Variants in MTMR9 observed in about 807,000 individuals in gnomAD.
MTMR9 encodes the protein myotubularin-related protein 9.
MTMR9 carries 39 observed loss-of-function variants against 69.5 expected under a neutral mutation model. The ratio of observed to expected loss-of-function variants is 0.56; its 90% confidence interval spans 0.43 to 0.73. MTMR9 has a LOEUF of 0.73. MTMR9 is among the 30% of genes least tolerant of loss of function. The pLI, the probability that MTMR9 is intolerant of heterozygous loss-of-function variation, is 0.00. For missense variants in MTMR9, 900 were observed against 671.2 expected (o/e 1.34, Z -3.77); for synonymous variants, 354 against 240.8 (o/e 1.47, Z -4.35).
intron 7 of MTMR9, chr8:11,315,860 G>C (rs1016000994): frequency 2.0e-5 from 3 of 152,208 alleles, no homozygotes; most frequent in African/African-American, 7.2e-5. Flanking sequence ...ATGACTGACT[G>C]ATTTTTATGT....
rs181276080 is a variant in MTMR9, at chr8:11,295,618, A to T, written c.291+316A>T. Among the ~76,000 whole-genome samples, 163 of 152,330 alleles carry T rather than the reference A, an allele frequency of 1.1e-3. 1 individual carries two copies. Among genetic ancestry groups the T allele is most frequent in the African/African-American group, 3.3e-3 (138 of 41,566 alleles). On this transcript the variant is annotated intron_variant, in intron 2 of 9. Transcript: ENST00000221086. ...AACAGATACTGTTTCACTTGAGTGT[A>T]TGAGTTCTTATTTGGGGAAACCATT... is the stretch of plus-strand genomic sequence containing the variant.
At chr8:11,301,213 T>A (rs1799736152) in intron 3 of MTMR9, among the ~76,000 whole-genome samples, 1 of 152,100 alleles carries the variant, frequency 6.6e-6, no homozygotes, top group Non-Finnish European at 1.5e-5. Context: ...AATATATAAG[T>A]TTATATGGAA....
chr8:11,318,730 T>A (rs1001655823), intron 8 of MTMR9: 1 of 152,218 alleles, frequency 6.6e-6, no homozygotes, highest in African/African-American at 2.4e-5. Context: ...GTTCATTGTA[T>A]GTGGATATAG....
rs1167554596 is a variant in MTMR9, at chr8:11,323,655, C to T, written c.*867C>T. On this transcript the variant is annotated 3_prime_UTR_variant, in exon 10 of 10. Transcript: ENST00000221086. The stretch of plus-strand genomic sequence containing the variant: ...CAAGCTACAAATAGGTTTTCTTAAA[C>T]CAGAGATGCACTGCCCTTGTCTAAA... 1 of 151,280 alleles carries T rather than the reference C, an allele frequency of 6.6e-6. No homozygotes were observed. The highest frequency in any genetic ancestry group is 1.9e-4 in the East Asian group (1 of 5,200). The allele number at this position is 151,280 out of a possible 1,614,324, so 9.4% of individuals were successfully genotyped here.
At chr8:11,321,197 A>G (rs912193987) in intron 9 of MTMR9, 1 of 290,958 alleles carries the variant, frequency 3.4e-6, no homozygotes, top group African/African-American at 2.2e-5. Flanking sequence ...ATTGTGGGGA[A>G]ATGGTCTTAG....
chr8:11,302,975 A>C (rs1158839887), intron 3 of MTMR9, among the ~76,000 whole-genome samples: 2 of 151,964 alleles, frequency 1.3e-5, no homozygotes, highest in African/African-American at 4.8e-5. Context: ...AAGCTTAAAC[A>C]AATGGAAAAG....
chr8:11,329,719 C>G (rs989560402), downstream of MTMR9, among the ~76,000 whole-genome samples: 1 of 152,252 alleles, frequency 6.6e-6, no homozygotes, highest in Non-Finnish European at 1.5e-5. Flanking sequence ...AGATTGCAGC[C>G]TCTGCCCGGC....
At chr8:11,305,310 T>C (rs776918784) in intron 4 of MTMR9, among the ~76,000 whole-genome samples, 4 of 152,252 alleles carry the variant, frequency 2.6e-5, no homozygotes, top group Non-Finnish European at 4.4e-5. Context: ...AGCAACATTC[T>C]TCTGGTAGAA....
chr8:11,304,148 A>G (rs1799850673), intron 3 of MTMR9, among the ~76,000 whole-genome samples: 1 of 152,060 alleles, frequency 6.6e-6, no homozygotes, highest in East Asian at 1.9e-4. Flanking sequence ...TTTATATTGT[A>G]TACTTCTAGT....
At chr8:11,299,672 A>C (rs1460204247) in intron 2 of MTMR9, among the ~76,000 whole-genome samples, 2 of 152,222 alleles carry the variant, frequency 1.3e-5, no homozygotes, top group Non-Finnish European at 2.9e-5. Context: ...GACTAGCCAA[A>C]AACTGATCCC....
Position 11,327,337 on chromosome 8 carries a change from C to G in MTMR9, c.*4549C>G, listed in dbSNP as rs531512757. ...CACTACATTGTCCTGCAAAGTAATT[C>G]TGATGAGAGTTTACTGACTTCTAGA... On this transcript the variant is annotated 3_prime_UTR_variant, in exon 10 of 10. Transcript: ENST00000221086. The G allele has an allele frequency of 4.6e-5, 7 of 152,334 alleles. No homozygotes were observed. Among genetic ancestry groups the G allele is most frequent in the African/African-American group, 1.7e-4 (7 of 41,566 alleles). The allele number at this position is 152,334 out of a possible 1,614,324, so 9.4% of individuals were successfully genotyped here. A position where few individuals can be genotyped will look rare whatever the true frequency, so the allele number is the denominator to read the frequency against.
chr8:11,307,085 T>C (rs1487928894), intron 5 of MTMR9, among the ~76,000 whole-genome samples: 1 of 152,200 alleles, frequency 6.6e-6, no homozygotes, highest in East Asian at 1.9e-4. Flanking sequence ...TTATTTTATT[T>C]TTTTGGGATG....
chr8:11,321,267 G>C (rs1463966127), intron 9 of MTMR9: 2 of 375,994 alleles, frequency 5.3e-6, no homozygotes, highest in East Asian at 1.5e-4. Flanking sequence ...GATGGTGACT[G>C]CTCAGAACTT....
At chr8:11,295,684 T>C (rs1001516002) in intron 2 of MTMR9, among the ~76,000 whole-genome samples, 3 of 152,214 alleles carry the variant, frequency 2.0e-5, no homozygotes, top group African/African-American at 7.2e-5. Flanking sequence ...AATTTTAAAG[T>C]TTTGCTTGAT....
Position 11,295,189 on chromosome 8 carries a change from T to A in MTMR9, c.183-5T>A. On this transcript the variant is annotated splice_polypyrimidine_tract_variant and splice_region_variant and intron_variant, in intron 1 of 9. Coordinates refer to ENST00000221086, the MANE Select transcript of MTMR9 (RefSeq NM_015458.4). ...TTCCTAAACATGATTTGCAATTTCT[T>A]ACAGATTTGTAGGATCACTGGGTAC... 1 of 1,534,456 alleles carries A rather than the reference T, an allele frequency of 6.5e-7. No homozygotes were observed.
intron 8 of MTMR9, chr8:11,319,209 CACA>C (rs1309298541): frequency 6.6e-6 from 1 of 152,026 alleles, no homozygotes; most frequent in South Asian, 2.1e-4. Context: ...GTTGTTTCTG[CACA>C]ACAAGCCCTT....
intron 3 of MTMR9, among the ~76,000 whole-genome samples, chr8:11,302,498 G>A (rs1380208646): frequency 6.6e-6 from 1 of 152,008 alleles, no homozygotes; most frequent in African/African-American, 2.4e-5. Context: ...CAAATGACCT[G>A]CATGGTGTTA....
intron 7 of MTMR9, chr8:11,315,834 A>T (rs373444516): frequency 6.6e-6 from 1 of 152,284 alleles, no homozygotes; most frequent in South Asian, 2.1e-4. Flanking sequence ...GATGCATAGT[A>T]GACAAACAAA....
In MTMR9 at chr8:11,314,987, T is replaced by G; in HGVS notation, c.1036T>G (p.Leu346Val). 4 of 1,614,054 alleles carry G rather than the reference T, an allele frequency of 2.5e-6. No individual in the cohort carries two copies. Among genetic ancestry groups the G allele is most frequent in the South Asian group, 1.1e-5 (1 of 91,076 alleles). The change falls in exon 7 of 10, where the codon TTG (leucine) becomes GTG (valine). Residue 346 changes from leucine (L) to valine (V), a missense_variant. Coordinates refer to ENST00000221086, the MANE Select transcript of MTMR9 (RefSeq NM_015458.4). Reference sequence around the variant, plus strand: ...TGATTCCACACTCCAGGTGACCTCCTTGGCCCAGATCATCTTAGAGCCAAG... The same window carrying G: ...TGATTCCACACTCCAGGTGACCTCCGTGGCCCAGATCATCTTAGAGCCAAG... ...GTDSTLQVTS[L>V]AQIILEPRSR... is the part of the protein sequence containing the mutation.
Sources: allele counts gnomAD v4.1 joint callset (sites outside exome capture counted in the v4.1 genomes callset), GRCh38; gene constraint gnomAD v4.1.1; transcripts MANE v1.5; gene names NCBI Gene and HGNC (gene_info 2026-07-23, HGNC 2026-07-21).